ABLIM1: variants seen among roughly 807,000 people sequenced by gnomAD.
The protein encoded by ABLIM1 is actin-binding LIM protein 1.
In ABLIM1, 40 loss-of-function variants were observed where a neutral mutation model predicts 107.0. The observed-to-expected ratio is 0.37, with a 90% CI of 0.29 to 0.49. The LOEUF is 0.49. Among genes scored for constraint, ABLIM1 ranks in the 20% least tolerant of loss-of-function variants. ABLIM1 has a pLI of 0.97. For missense variants in ABLIM1, 857 were observed against 1,008.5 expected, an observed-to-expected ratio of 0.85 and a Z score of 2.04; for synonymous variants, 357 against 357.3, an observed-to-expected ratio of 1.00 and a Z score of 0.01.
chr10:114,583,763 A>T (rs1000265901), intron 2 of ABLIM1, among the ~76,000 whole-genome samples: 7 of 151,990 alleles, frequency 4.6e-5, no homozygotes, highest in Non-Finnish European at 1.0e-4. Context: ...TGTGGTACAT[A>T]TACACGGTGA....
At chr10:114,642,049 A>G (rs1324066432) in intron 1 of ABLIM1, among the ~76,000 whole-genome samples, 3 of 151,472 alleles carry the variant, frequency 2.0e-5, no homozygotes, top group Non-Finnish European at 4.4e-5. Context: ...TACCTGGCTG[A>G]TTTTTAATTT....
At chr10:114,636,170 A>C (rs1265888292) in intron 1 of ABLIM1, among the ~76,000 whole-genome samples, 1 of 152,176 alleles carries the variant, frequency 6.6e-6, no homozygotes, top group African/African-American at 2.4e-5. Flanking sequence ...CAGGAAGAGT[A>C]AGGAGGTACG....
intron 8 of ABLIM1, chr10:114,485,261 A>G (rs754654393): frequency 1.3e-6 from 2 of 1,538,096 alleles, no homozygotes; most frequent in African/African-American, 2.8e-5. Flanking sequence ...GGCCCAGGAC[A>G]GTGGCTTCGA....
chr10:114,737,518 A>C (rs2082204025), intron 1 of ABLIM1, among the ~76,000 whole-genome samples: 1 of 152,056 alleles, frequency 6.6e-6, no homozygotes, highest in African/African-American at 2.4e-5. Flanking sequence ...CCAGACCCCA[A>C]GTCCTGATCC....
intron 1 of ABLIM1, among the ~76,000 whole-genome samples, chr10:114,719,489 G>A (rs770501568): frequency 2.6e-4 from 40 of 152,202 alleles, no homozygotes; most frequent in Admixed American, 4.6e-4. Context: ...GTGAAAGTAC[G>A]CTATCAAGGT....
intron 1 of ABLIM1, among the ~76,000 whole-genome samples, chr10:114,672,359 C>T (rs1422826543): frequency 1.3e-5 from 2 of 152,066 alleles, no homozygotes; most frequent in Non-Finnish European, 2.9e-5. Flanking sequence ...TGCCACCATG[C>T]CCAGCTAATT....
At chr10:114,607,860 A>G (rs2076532106) in intron 1 of ABLIM1, among the ~76,000 whole-genome samples, 1 of 152,234 alleles carries the variant, frequency 6.6e-6, no homozygotes, top group South Asian at 2.1e-4. Context: ...GGGATCCCAG[A>G]ACAGAGAAAG....
chr10:114,516,845 T>A (rs1335220054), intron 6 of ABLIM1, among the ~76,000 whole-genome samples: 1 of 152,184 alleles, frequency 6.6e-6, no homozygotes, highest in East Asian at 1.9e-4. Context: ...TTCCTTTCAG[T>A]TAGACTATCA....
chr10:114,532,585 T>C (rs2065569707), intron 6 of ABLIM1, among the ~76,000 whole-genome samples: 1 of 152,216 alleles, frequency 6.6e-6, no homozygotes, highest in Non-Finnish European at 1.5e-5. Flanking sequence ...TGCCATCTCC[T>C]GGGCCCTGGG....
At chr10:114,626,391 C>A (rs556102102) in intron 1 of ABLIM1, among the ~76,000 whole-genome samples, 1 of 152,316 alleles carries the variant, frequency 6.6e-6, no homozygotes, top group East Asian at 1.9e-4. Flanking sequence ...CTAATGTTAT[C>A]TTCCTTAAGG....
At chr10:114,652,560 C>G (rs1462445006) in intron 1 of ABLIM1, among the ~76,000 whole-genome samples, 2 of 152,174 alleles carry the variant, frequency 1.3e-5, no homozygotes, top group African/African-American at 4.8e-5. Context: ...ACCTTTCTCT[C>G]TTCTGGGATA....
At chr10:114,581,888 T>A (rs973781914) in intron 2 of ABLIM1, among the ~76,000 whole-genome samples, 2 of 151,266 alleles carry the variant, frequency 1.3e-5, no homozygotes, top group Non-Finnish European at 2.9e-5. Context: ...ATAATAAGAG[T>A]TGTCTAAGAC....
chr10:114,621,528 C>A (rs1348468822), intron 1 of ABLIM1, among the ~76,000 whole-genome samples: 1 of 152,194 alleles, frequency 6.6e-6, no homozygotes, highest in Non-Finnish European at 1.5e-5. Context: ...TTGAATCAAA[C>A]ACCATCCCCA....
rs557287999 is a variant in ABLIM1, at chr10:114,488,161, C to T, written c.983-145G>A. On this transcript the variant is annotated intron_variant, in intron 7 of 22. Coordinates refer to ENST00000533213, the MANE Select transcript of ABLIM1 (RefSeq NM_002313.7). ...CTTTATGTCCAAGTGAATCATAACA[C>T]AAAAATCAGACATGTCCAAAGCCTA... 10 of 876,824 alleles carry T rather than the reference C, an allele frequency of 1.1e-5. No homozygotes were observed. In the South Asian group the frequency reaches 1.2e-4, roughly 10 times the overall value. The allele number at this position is 876,824 out of a possible 1,614,324, so 54.3% of individuals were successfully genotyped here.
At chr10:114,718,183 G>T (rs1486616237) in intron 1 of ABLIM1, among the ~76,000 whole-genome samples, 1 of 152,034 alleles carries the variant, frequency 6.6e-6, no homozygotes, top group East Asian at 1.9e-4. Flanking sequence ...AGGCACTAAT[G>T]CCTCTTTAAG....
At chr10:114,440,928 G>T in intron 19 of ABLIM1, 89 bp downstream of exon 19, 1 of 1,250,654 alleles carries the variant, frequency 8.0e-7, no homozygotes, top group Non-Finnish European at 1.2e-6. Context: ...ATACAATACA[G>T]CATGAACACA....
intron 6 of ABLIM1, among the ~76,000 whole-genome samples, chr10:114,493,312 A>G (rs2059251013): frequency 6.6e-6 from 1 of 152,216 alleles, no homozygotes; most frequent in Non-Finnish European, 1.5e-5. Context: ...CTTAAGGAAA[A>G]TGTTAAGTGA....
intron 1 of ABLIM1, among the ~76,000 whole-genome samples, chr10:114,636,547 T>G (rs1377149892): frequency 6.6e-6 from 1 of 152,206 alleles, no homozygotes; most frequent in Admixed American, 6.5e-5. Context: ...AGGAAGTGTC[T>G]ATCCATTTAT....
chr10:114,514,314 A>T, intron 6 of ABLIM1, among the ~76,000 whole-genome samples: 1 of 148,472 alleles, frequency 6.7e-6, no homozygotes, highest in East Asian at 2.0e-4. Flanking sequence ...AAAAAAAAAA[A>T]TAAAGTGAAA....
Sources: gnomAD v4.1 joint callset for allele counts (sites outside exome capture counted in the v4.1 genomes callset) on GRCh38, gnomAD v4.1.1 for gene constraint, MANE v1.5 for transcripts, NCBI Gene and HGNC (gene_info 2026-07-23, HGNC 2026-07-21) for gene names.